EYS: variants seen among roughly 807,000 people sequenced by gnomAD.
EYS encodes protein eyes shut homolog.
A neutral mutation model predicts 282.1 loss-of-function variants in EYS; 250 were observed. The observed-to-expected ratio is 0.89, with a 90% CI of 0.80 to 0.98. The LOEUF (loss-of-function observed/expected upper bound fraction) is 0.98, where lower values mean the gene tolerates loss of function less well. Ranked by LOEUF, EYS falls within the 50% of genes least tolerant of loss-of-function variation. The pLI is 0.00. For missense variants in EYS, 4,016 were observed against 3,709.0 expected (o/e 1.08, Z -2.15); for synonymous variants, 1,355 against 1,282.9 (o/e 1.06, Z -1.20).
chr6:64,569,916 C>T (rs1189498566), intron 26 of EYS, among the ~76,000 whole-genome samples: 1 of 152,158 alleles, frequency 6.6e-6, no homozygotes, highest in Non-Finnish European at 1.5e-5. Flanking sequence ...GACAGTCCAA[C>T]ATTCAAATTC....
At chr6:64,350,549 T>A (rs1771588635) in intron 29 of EYS, among the ~76,000 whole-genome samples, 1 of 151,584 alleles carries the variant, frequency 6.6e-6, no homozygotes, top group South Asian at 2.1e-4. Context: ...CCCACTCTCC[T>A]CTGGCATGTC....
At chr6:64,326,735 G>T (rs572481942) in intron 29 of EYS, among the ~76,000 whole-genome samples, 2 of 152,204 alleles carry the variant, frequency 1.3e-5, no homozygotes, top group South Asian at 2.1e-4. Context: ...TTTCAGCCTG[G>T]AAGGAGAATG....
chr6:65,214,731 T>C (rs1766268983), intron 12 of EYS, among the ~76,000 whole-genome samples: 1 of 152,224 alleles, frequency 6.6e-6, no homozygotes, highest in South Asian at 2.1e-4. Context: ...ATAGACTAAA[T>C]TCAAAGCTTC....
chr6:64,940,265 C>A (rs1769045979), intron 15 of EYS, among the ~76,000 whole-genome samples: 1 of 152,006 alleles, frequency 6.6e-6, no homozygotes, highest in Non-Finnish European at 1.5e-5. Flanking sequence ...ATAAACCCAA[C>A]TTTTGCAACC....
At chr6:64,976,728 T>C (rs1409419974) in intron 14 of EYS, among the ~76,000 whole-genome samples, 3 of 152,098 alleles carry the variant, frequency 2.0e-5, no homozygotes, top group South Asian at 2.1e-4. Context: ...GTGTTTATTA[T>C]ACATCATGAA....
chr6:64,096,400 G>A (rs1772615626), intron 31 of EYS, among the ~76,000 whole-genome samples: 1 of 152,200 alleles, frequency 6.6e-6, no homozygotes, highest in South Asian at 2.1e-4. Flanking sequence ...ATCAGACGTA[G>A]ATTTGGTCTT....
intron 32 of EYS, among the ~76,000 whole-genome samples, chr6:64,067,550 C>T (rs1270272715): frequency 6.6e-6 from 1 of 152,032 alleles, no homozygotes; most frequent in African/African-American, 2.4e-5. Context: ...AATTACAGTA[C>T]AATAAAATAT....
chr6:64,581,361 A>T (rs1766060445), intron 26 of EYS, among the ~76,000 whole-genome samples: 1 of 152,126 alleles, frequency 6.6e-6, no homozygotes, highest in Admixed American at 6.6e-5. Flanking sequence ...TTCTGGGCTG[A>T]GTTGAAAATG....
At chr6:65,093,832 G>A (rs1048991449) in intron 12 of EYS, among the ~76,000 whole-genome samples, 2 of 151,594 alleles carry the variant, frequency 1.3e-5, no homozygotes, top group Non-Finnish European at 1.5e-5. Context: ...AATACATAGA[G>A]TGCCTGAATA....
At chr6:65,667,143 A>T (rs1768228854) in intron 1 of EYS, among the ~76,000 whole-genome samples, 1 of 151,776 alleles carries the variant, frequency 6.6e-6, no homozygotes. Context: ...CCTATCTCCT[A>T]ATTTGTTGTT....
intron 31 of EYS, among the ~76,000 whole-genome samples, chr6:64,167,640 A>C (rs1395786842): frequency 6.6e-6 from 1 of 150,660 alleles, no homozygotes; most frequent in South Asian, 2.1e-4. Flanking sequence ...GCATACGTAC[A>C]TACAGACACA....
intron 24 of EYS, among the ~76,000 whole-genome samples, chr6:64,606,729 C>G (rs1388610137): frequency 5.3e-5 from 8 of 152,034 alleles, no homozygotes; most frequent in Admixed American, 4.6e-4. Flanking sequence ...GTCAGAAAGT[C>G]TTTGAAGCTA....
intron 29 of EYS, among the ~76,000 whole-genome samples, chr6:64,382,506 T>C (rs541705067): frequency 6.6e-6 from 1 of 152,356 alleles, no homozygotes; most frequent in East Asian, 1.9e-4. Flanking sequence ...GGCTGATGTT[T>C]GACTCTCCCT....
At chr6:65,609,653 A>G (rs1765924398) in intron 2 of EYS, among the ~76,000 whole-genome samples, 1 of 152,172 alleles carries the variant, frequency 6.6e-6, no homozygotes, top group African/African-American at 2.4e-5. Context: ...TCTTTATCAG[A>G]TATCTAACAT....
chr6:64,614,238 C>T (rs780516517), intron 24 of EYS, among the ~76,000 whole-genome samples: 16 of 152,120 alleles, frequency 1.1e-4, no homozygotes, highest in East Asian at 9.7e-4. Context: ...AAATATAAGA[C>T]GAAATTTTGA....
At chr6:64,036,174 C>T (rs985556863) in intron 33 of EYS, among the ~76,000 whole-genome samples, 3 of 151,920 alleles carry the variant, frequency 2.0e-5, no homozygotes, top group African/African-American at 7.3e-5. Context: ...TCTGCCATTC[C>T]AGACTAGGAA....
intron 22 of EYS, among the ~76,000 whole-genome samples, chr6:64,681,665 G>T (rs184264140): frequency 6.6e-6 from 1 of 152,058 alleles, no homozygotes; most frequent in African/African-American, 2.4e-5. Context: ...AGGCTGAGGC[G>T]GGCGCATCAC....
At chr6:64,369,461 T>C (rs1165524785) in intron 29 of EYS, among the ~76,000 whole-genome samples, 1 of 152,162 alleles carries the variant, frequency 6.6e-6, no homozygotes, top group Non-Finnish European at 1.5e-5. Flanking sequence ...CACTGGTAGT[T>C]GAATGGGAAT....
At chr6:65,064,170 A>G (rs1465898700) in intron 12 of EYS, among the ~76,000 whole-genome samples, 1 of 143,926 alleles carries the variant, frequency 6.9e-6, no homozygotes, top group Non-Finnish European at 1.5e-5. Flanking sequence ...TATATAATAT[A>G]TATAATATAT....
Sources: allele counts gnomAD v4.1 joint callset (sites outside exome capture counted in the v4.1 genomes callset), GRCh38; gene constraint gnomAD v4.1.1; transcripts MANE v1.5; gene names NCBI Gene and HGNC (gene_info 2026-07-23, HGNC 2026-07-21).